Variants in SLC1A1 observed in about 807,000 individuals in gnomAD.
The protein encoded by SLC1A1 is solute carrier family 1 member 1, also known as excitatory amino acid transporter 3.
A neutral mutation model predicts 53.3 loss-of-function variants in SLC1A1; 43 were observed. The observed-to-expected ratio is 0.81, with a 90% CI of 0.63 to 1.04. The LOEUF is 1.04. Ranked by LOEUF, SLC1A1 falls within the 50% of genes least tolerant of loss-of-function variation. SLC1A1 has a pLI of 0.00. For synonymous variants in SLC1A1, 307 were observed against 243.2 expected, an observed-to-expected ratio of 1.26 and a Z score of -2.44; for missense variants, 748 against 664.9, an observed-to-expected ratio of 1.12 and a Z score of -1.37.
At chr9:4,499,834 T>C (rs923148344) in intron 1 of SLC1A1, among the ~76,000 whole-genome samples, 1 of 152,230 alleles carries the variant, frequency 6.6e-6, no homozygotes, top group Admixed American at 6.5e-5. Context: ...ATTTGAGCAC[T>C]GGGCATAAGA....
intron 2 of SLC1A1, among the ~76,000 whole-genome samples, chr9:4,550,938 G>C (rs1817879220): frequency 6.6e-6 from 1 of 152,162 alleles, no homozygotes; most frequent in Non-Finnish European, 1.5e-5. Flanking sequence ...GAGGGTGACT[G>C]TGTGCCAATG....
At position 4,563,292 on chromosome 9, in the gene SLC1A1, G is replaced by C. The variant is rs185040819; in HGVS notation, c.326-1052G>C. Among the ~76,000 whole-genome samples the C allele has an allele frequency of 2.0e-5, 3 of 152,252 alleles. No homozygotes were observed. The East Asian group carries it at 5.8e-4, about 29-fold the overall frequency. ...TGAGGCTTTAGTGGTATTAGGCCAA[G>C]GGACCCAGGAGGGCTTGAACTGTAC... On this transcript the variant is annotated intron_variant, in intron 3 of 11. Transcript: ENST00000262352.
intron 6 of SLC1A1, among the ~76,000 whole-genome samples, chr9:4,571,415 C>T (rs567954420): frequency 4.0e-4 from 61 of 152,288 alleles, no homozygotes; most frequent in African/African-American, 1.4e-3. Flanking sequence ...GTGGCTCACA[C>T]CTGTAATCCC....
chr9:4,561,471 C>A lies in SLC1A1; in HGVS notation c.255C>A (p.Asn85Lys). ...MITGVAALDS[N>K]VSGKIGLRAV... ...CAGGTGTTGCTGCACTGGATTCCAA[C>A]GTATCCGGAAAAATTGGTCTGCGCG... Residue 85 changes from asparagine (N) to lysine (K), a missense_variant, in exon 3 of 12, where the codon AAC (asparagine) becomes AAA (lysine). Transcript: ENST00000262352. 1 of 1,607,934 alleles carries A rather than the reference C, an allele frequency of 6.2e-7. No homozygotes were observed. Among genetic ancestry groups the A allele is most frequent in the Non-Finnish European group, 8.5e-7 (1 of 1,174,412 alleles).
chr9:4,521,995 C>T (rs1363047961), intron 1 of SLC1A1, among the ~76,000 whole-genome samples: 1 of 151,072 alleles, frequency 6.6e-6, no homozygotes, highest in Non-Finnish European at 1.5e-5. Context: ...AGGCCCATTT[C>T]CTTCTTTGTT....
At chr9:4,524,146 T>G (rs1342676646) in intron 1 of SLC1A1, among the ~76,000 whole-genome samples, 2 of 152,246 alleles carry the variant, frequency 1.3e-5, no homozygotes, top group Non-Finnish European at 2.9e-5. Flanking sequence ...TACATGGGAA[T>G]ACTTGGAAAA....
chr9:4,523,303 G>C (rs1816147049), intron 1 of SLC1A1, among the ~76,000 whole-genome samples: 2 of 151,338 alleles, frequency 1.3e-5, no homozygotes, highest in African/African-American at 4.9e-5. Flanking sequence ...ATTTAATTAA[G>C]TTATTGAGTC....
chr9:4,511,228 T>G (rs987808792), intron 1 of SLC1A1, among the ~76,000 whole-genome samples: 9 of 152,164 alleles, frequency 5.9e-5, no homozygotes, highest in Admixed American at 2.0e-4. Flanking sequence ...ATTTATTTCT[T>G]ATAGTTCTGG....
intron 1 of SLC1A1, among the ~76,000 whole-genome samples, chr9:4,537,588 T>TAAAAAAAAAAAAAAA (rs1554679405): frequency 4.4e-5 from 1 of 22,824 alleles, no homozygotes; most frequent in African/African-American, 1.9e-4. Context: ...TAAAATAAAA[T>TAAAAAAAAAAAAAAA]AAAATAAAAT....
intron 1 of SLC1A1, among the ~76,000 whole-genome samples, chr9:4,497,600 A>C (rs1302839715): frequency 6.6e-6 from 1 of 152,168 alleles, no homozygotes; most frequent in South Asian, 2.1e-4. Flanking sequence ...TTACCTCCAT[A>C]AATTCTCCTC....
chr9:4,499,046 A>G (rs1469573050), intron 1 of SLC1A1, among the ~76,000 whole-genome samples: 1 of 85,486 alleles, frequency 1.2e-5, no homozygotes. Context: ...ATGTATATAT[A>G]TATCTTTTTT....
chr9:4,513,143 G>A (rs1462308012), intron 1 of SLC1A1, among the ~76,000 whole-genome samples: 2 of 151,930 alleles, frequency 1.3e-5, no homozygotes, highest in Non-Finnish European at 2.9e-5. Flanking sequence ...TACATGAGCT[G>A]GAGTTAGGCA....
chr9:4,539,101 T>C (rs1469587577), intron 1 of SLC1A1, among the ~76,000 whole-genome samples: 1 of 152,216 alleles, frequency 6.6e-6, no homozygotes, highest in African/African-American at 2.4e-5. Context: ...ATGGCTTTCA[T>C]TTAAAAAAAC....
chr9:4,507,417 G>A (rs1820843374), intron 1 of SLC1A1, among the ~76,000 whole-genome samples: 1 of 152,150 alleles, frequency 6.6e-6, no homozygotes, highest in Admixed American at 6.5e-5. Context: ...TCCACATGGA[G>A]TTACTTTTTG....
intron 10 of SLC1A1, among the ~76,000 whole-genome samples, chr9:4,577,162 G>T (rs959631355): frequency 6.6e-6 from 1 of 152,188 alleles, no homozygotes; most frequent in African/African-American, 2.4e-5. Context: ...AGAGGGAAGG[G>T]CTGGTTCTAG....
At chr9:4,563,475 G>A (rs904144495) in intron 3 of SLC1A1, among the ~76,000 whole-genome samples, 2 of 152,136 alleles carry the variant, frequency 1.3e-5, no homozygotes, top group Non-Finnish European at 2.9e-5. Flanking sequence ...GCCCAGTCAT[G>A]GCCCCTTATT....
At chr9:4,510,247 G>C (rs1368871844) in intron 1 of SLC1A1, among the ~76,000 whole-genome samples, 1 of 152,180 alleles carries the variant, frequency 6.6e-6, no homozygotes, top group East Asian at 1.9e-4. Flanking sequence ...ACCATCTCCT[G>C]CTGTTCACAC....
intron 1 of SLC1A1, among the ~76,000 whole-genome samples, chr9:4,499,582 A>C (rs894642920): frequency 1.5e-5 from 1 of 68,220 alleles, no homozygotes; most frequent in Admixed American, 1.1e-4. Flanking sequence ...AGTCTATCAA[A>C]ACTCCAACAA....
chr9:4,539,068 T>A (rs531613263), intron 1 of SLC1A1, among the ~76,000 whole-genome samples: 1 of 148,426 alleles, frequency 6.7e-6, no homozygotes, highest in Admixed American at 6.6e-5. Flanking sequence ...AAGCCAAAAT[T>A]AATTTACATA....
Sources: allele counts gnomAD v4.1 joint callset (sites outside exome capture counted in the v4.1 genomes callset), GRCh38; gene constraint gnomAD v4.1.1; transcripts MANE v1.5; gene names NCBI Gene and HGNC (gene_info 2026-07-23, HGNC 2026-07-21).